The following CYB5B variants were observed in gnomAD, a reference collection of about 807,000 sequenced individuals.
CYB5B encodes cytochrome b5 type B.
In CYB5B, 14 loss-of-function variants were observed where a neutral mutation model predicts 21.3. The ratio of observed to expected loss-of-function variants is 0.66; its 90% CI spans 0.43 to 1.03. The LOEUF (loss-of-function observed/expected upper bound fraction) is 1.03. Ranked by LOEUF, CYB5B falls within the 50% of genes least tolerant of loss-of-function variation. CYB5B has a pLI of 0.00. For missense variants in CYB5B, 166 were observed against 185.1 expected (o/e 0.90, Z 0.60); for synonymous variants, 69 against 68.4 (o/e 1.01, Z -0.04).
At chr16:69,434,179 G>A (rs1379445083) in intron 1 of CYB5B, among the ~76,000 whole-genome samples, 1 of 152,130 alleles carries the variant, frequency 6.6e-6, no homozygotes, top group Non-Finnish European at 1.5e-5. Context: ...ATATCTGTGA[G>A]ATTCATCTAT....
At chr16:69,429,428 A>G (rs1300640284) in intron 1 of CYB5B, among the ~76,000 whole-genome samples, 2 of 152,020 alleles carry the variant, frequency 1.3e-5, no homozygotes, top group African/African-American at 2.4e-5. Flanking sequence ...TGCATTTACA[A>G]TCCTTTAGCT....
chr16:69,448,234 T>A, intron 3 of CYB5B, 90 bp downstream of exon 3: 3 of 1,444,138 alleles, frequency 2.1e-6, no homozygotes, highest in Non-Finnish European at 2.9e-6. Flanking sequence ...CAAGAGAAGT[T>A]ACAAAGTATT....
intron 1 of CYB5B, among the ~76,000 whole-genome samples, chr16:69,435,315 TTTTAATACAAAATTGCA>T (rs1465955336): frequency 3.3e-5 from 5 of 152,234 alleles, no homozygotes; most frequent in African/African-American, 4.8e-5. Flanking sequence ...TTATTTTTGT[TTTTAATACAAAATTGCA>T]TTTAATACAA....
chr16:69,462,414 C>T lies in CYB5B; in HGVS notation c.363-16C>T, dbSNP rs1436234129. On this transcript the variant is annotated splice_polypyrimidine_tract_variant and intron_variant, in intron 4 of 4. Transcript: ENST00000307892. Reference sequence around the variant, plus strand: ...AAAATATTAACAACTTTATTGCTTTCTCCCCCTATTCCTAGTTGCTGGGCA... The same window carrying T: ...AAAATATTAACAACTTTATTGCTTTTTCCCCCTATTCCTAGTTGCTGGGCA... 6.3e-7 allele frequency: 1 copy of T among 1,589,850 alleles called. No individual in the cohort carries two copies. Among genetic ancestry groups the T allele is most frequent in the Non-Finnish European group, 8.6e-7 (1 of 1,158,020 alleles).
At chr16:69,446,409 C>T (rs1264559879) in intron 1 of CYB5B, among the ~76,000 whole-genome samples, 1 of 152,116 alleles carries the variant, frequency 6.6e-6, no homozygotes, top group Non-Finnish European at 1.5e-5. Flanking sequence ...CTGCAACCTC[C>T]CCCTCACAGG....
At chr16:69,447,314 G>C in intron 2 of CYB5B, 36 bp downstream of exon 2, 1 of 1,603,914 alleles carries the variant, frequency 6.2e-7, no homozygotes, top group Non-Finnish European at 8.5e-7. Flanking sequence ...CTTATGCAGA[G>C]AAAACTACTT....
At chr16:69,431,593 A>G (rs113767386) in intron 1 of CYB5B, among the ~76,000 whole-genome samples, 26,289 of 152,010 alleles carry the variant, frequency 0.17, 2,389 homozygotes, top group Middle Eastern at 0.25. Context: ...GCAACATGGC[A>G]AAACCCCATC....
intron 4 of CYB5B, among the ~76,000 whole-genome samples, chr16:69,460,924 T>C (rs138575744): frequency 1.1e-4 from 16 of 152,346 alleles, no homozygotes; most frequent in African/African-American, 3.8e-4. Context: ...TGATGCAGTA[T>C]AAATGTATTT....
chr16:69,430,413 G>T (rs1384635805), intron 1 of CYB5B, among the ~76,000 whole-genome samples: 3 of 151,954 alleles, frequency 2.0e-5, no homozygotes, highest in African/African-American at 7.3e-5. Flanking sequence ...TAGAGATGGG[G>T]TTTCATCATG....
intron 1 of CYB5B, chr16:69,443,700 C>G (rs2014848585): frequency 6.6e-6 from 1 of 152,340 alleles, no homozygotes; most frequent in Admixed American, 6.5e-5. Context: ...ACTAAAAACA[C>G]AAAAATTAGC....
intron 1 of CYB5B, among the ~76,000 whole-genome samples, chr16:69,435,698 C>T (rs867169758): frequency 9.2e-5 from 14 of 152,042 alleles, no homozygotes; most frequent in African/African-American, 2.4e-4. Context: ...AGTGCAGTGG[C>T]GCGGTCTCAG....
At chr16:69,430,327 C>T (rs990486043) in intron 1 of CYB5B, among the ~76,000 whole-genome samples, 2 of 152,054 alleles carry the variant, frequency 1.3e-5, no homozygotes, top group East Asian at 1.9e-4. Context: ...AACAATCCTC[C>T]GCCTCAGCCT....
At chr16:69,456,142 ATATTTATTTATT>A (rs1045548667) in intron 3 of CYB5B, among the ~76,000 whole-genome samples, 1 of 151,972 alleles carries the variant, frequency 6.6e-6, no homozygotes, top group Non-Finnish European at 1.5e-5. Flanking sequence ...GTATATAAAT[ATATTTATTTATT>A]TTTGAGACAG....
At chr16:69,435,641 A>T (rs1046215169) in intron 1 of CYB5B, among the ~76,000 whole-genome samples, 15 of 152,040 alleles carry the variant, frequency 9.9e-5, no homozygotes, top group South Asian at 2.1e-4. Flanking sequence ...TTAATTAATT[A>T]ATTTATTTGT....
chr16:69,426,802 C>T (rs1243853452), intron 1 of CYB5B, among the ~76,000 whole-genome samples: 1 of 149,846 alleles, frequency 6.7e-6, no homozygotes, highest in Non-Finnish European at 1.5e-5. Context: ...CCTGGTCATA[C>T]AATCAATTAG....
chr16:69,445,539 A>G (rs1009304248), intron 1 of CYB5B, among the ~76,000 whole-genome samples: 3 of 152,236 alleles, frequency 2.0e-5, no homozygotes, highest in Non-Finnish European at 4.4e-5. Flanking sequence ...AAATTTTGAT[A>G]TATTAAATAA....
At chr16:69,459,978 C>T (rs536178275) in intron 4 of CYB5B, among the ~76,000 whole-genome samples, 2 of 152,204 alleles carry the variant, frequency 1.3e-5, no homozygotes, top group East Asian at 1.9e-4. Context: ...GGGCCGGGCG[C>T]GGTGGCTCAC....
At chr16:69,454,252 A>G (rs2014962277) in intron 3 of CYB5B, among the ~76,000 whole-genome samples, 3 of 152,196 alleles carry the variant, frequency 2.0e-5, no homozygotes, top group South Asian at 2.1e-4. Flanking sequence ...GAATTTTGCC[A>G]TATCTACAGG....
intron 1 of CYB5B, among the ~76,000 whole-genome samples, chr16:69,440,555 T>C (rs2014809502): frequency 6.6e-6 from 1 of 152,216 alleles, no homozygotes; most frequent in African/African-American, 2.4e-5. Flanking sequence ...TTCTTTTGTG[T>C]CTGGTTTCTT....
Sources: allele counts gnomAD v4.1 joint callset (sites outside exome capture counted in the v4.1 genomes callset), GRCh38; gene constraint gnomAD v4.1.1; transcripts MANE v1.5; gene names NCBI Gene and HGNC (gene_info 2026-07-23, HGNC 2026-07-21).